The following ASIC2 variants were observed in gnomAD, a reference collection of about 807,000 sequenced individuals.
ASIC2 encodes the protein acid-sensing ion channel 2.
In ASIC2, 25 loss-of-function variants were observed where a neutral mutation model predicts 57.3. The observed-to-expected ratio is 0.44, with a 90% CI of 0.32 to 0.61. The LOEUF (loss-of-function observed/expected upper bound fraction) is 0.61, where lower values mean the gene tolerates loss of function less well. Ranked by LOEUF, ASIC2 falls within the 20% of genes least tolerant of loss-of-function variation. ASIC2 has a pLI of 0.06. For missense variants in ASIC2, 641 were observed against 738.1 expected (o/e 0.87, Z 1.52); for synonymous variants, 319 against 307.5 (o/e 1.04, Z -0.39).
At chr17:33,742,593 A>T (rs1378524916) in intron 1 of ASIC2, among the ~76,000 whole-genome samples, 1 of 152,192 alleles carries the variant, frequency 6.6e-6, no homozygotes, top group Non-Finnish European at 1.5e-5. Flanking sequence ...AGACAAATGA[A>T]TGGATAAATT....
intron 3 of ASIC2, among the ~76,000 whole-genome samples, chr17:33,047,048 C>G (rs1009925775): frequency 6.6e-6 from 1 of 152,208 alleles, no homozygotes; most frequent in Admixed American, 6.5e-5. Context: ...GAGATGGCCT[C>G]GCAGGAAGCT....
At chr17:33,085,056 C>T (rs1376461144) in intron 3 of ASIC2, among the ~76,000 whole-genome samples, 1 of 152,186 alleles carries the variant, frequency 6.6e-6, no homozygotes, top group African/African-American at 2.4e-5. Flanking sequence ...TACAAAGATT[C>T]ATGGTAGGAC....
rs34895503 is a variant in ASIC2, at chr17:33,905,283, C to T, written c.555+250695G>A. 5.8e-3 allele frequency among the ~76,000 whole-genome samples: 880 copies of T among 151,938 alleles called. 7 individuals are homozygous for T. Among genetic ancestry groups the T allele is most frequent in the African/African-American group, 0.02 (839 of 41,420 alleles). On this transcript the variant is annotated intron_variant, in intron 1 of 9. Coordinates refer to the ASIC2 transcript ENST00000359872. The stretch of plus-strand genomic sequence containing the variant: ...TCATACCAGCATGGCTCTAAAGCTC[C>T]TGCTTTTCTGACTGCACTACTGACC...
chr17:33,596,270 T>C (rs1904976585), intron 1 of ASIC2, among the ~76,000 whole-genome samples: 1 of 152,216 alleles, frequency 6.6e-6, no homozygotes, highest in African/African-American at 2.4e-5. Context: ...CTTTGTGACA[T>C]GCTTTATTTT....
At chr17:33,248,424 T>C (rs1232869292) in intron 1 of ASIC2, among the ~76,000 whole-genome samples, 1 of 152,252 alleles carries the variant, frequency 6.6e-6, no homozygotes, top group African/African-American at 2.4e-5. Context: ...AAATGATTAA[T>C]GTGATCTTAT....
At chr17:33,167,499 C>A (rs968501257) in intron 1 of ASIC2, among the ~76,000 whole-genome samples, 9 of 152,198 alleles carry the variant, frequency 5.9e-5, no homozygotes, top group African/African-American at 2.2e-4. Flanking sequence ...CTACCCCCCA[C>A]CCGGTTCCCT....
At chr17:33,222,257 T>C (rs890377359) in intron 1 of ASIC2, among the ~76,000 whole-genome samples, 7 of 152,124 alleles carry the variant, frequency 4.6e-5, no homozygotes, top group Admixed American at 4.6e-4. Flanking sequence ...CAATGAAAAA[T>C]GAAGTACTGA....
chr17:33,422,934 A>G (rs1911096409), intron 1 of ASIC2, among the ~76,000 whole-genome samples: 1 of 152,178 alleles, frequency 6.6e-6, no homozygotes, highest in Admixed American at 6.5e-5. Flanking sequence ...AGCAACCAAG[A>G]GAGTCACAGG....
chr17:33,310,473 G>A (rs535884694), intron 1 of ASIC2, among the ~76,000 whole-genome samples: 57 of 152,298 alleles, frequency 3.7e-4, no homozygotes, highest in African/African-American at 1.3e-3. Flanking sequence ...TGAGTGCCAA[G>A]ATTGCCTCCT....
At chr17:33,648,749 A>C (rs1031909126) in intron 1 of ASIC2, among the ~76,000 whole-genome samples, 3 of 152,370 alleles carry the variant, frequency 2.0e-5, no homozygotes, top group Admixed American at 2.0e-4. Context: ...TGATTCATCC[A>C]CATAACTGTG....
intron 1 of ASIC2, among the ~76,000 whole-genome samples, chr17:33,266,236 A>T (rs1909454248): frequency 6.6e-6 from 1 of 152,144 alleles, no homozygotes; most frequent in South Asian, 2.1e-4. Flanking sequence ...ATGTGTTTTT[A>T]TCCTCCCCCC....
chr17:33,764,111 G>A (rs1392153465), intron 1 of ASIC2, among the ~76,000 whole-genome samples: 1 of 152,114 alleles, frequency 6.6e-6, no homozygotes, highest in African/African-American at 2.4e-5. Context: ...GGCCAACATG[G>A]TGAAACCCTG....
At chr17:33,222,540 T>G (rs1169421384) in intron 1 of ASIC2, among the ~76,000 whole-genome samples, 1 of 152,200 alleles carries the variant, frequency 6.6e-6, no homozygotes, top group African/African-American at 2.4e-5. Flanking sequence ...ATTGCACACT[T>G]TAAATGGGTG....
At chr17:33,629,829 G>A (rs528845792) in intron 1 of ASIC2, among the ~76,000 whole-genome samples, 13 of 152,276 alleles carry the variant, frequency 8.5e-5, no homozygotes, top group Admixed American at 2.6e-4. Flanking sequence ...GGAGAGAAGC[G>A]GTGACCCTGT....
rs76059671 is a variant in ASIC2 at position 33,669,211 on chromosome 17, G to T, written c.555+486767C>A. 3.3e-4 allele frequency among the ~76,000 whole-genome samples: 50 copies of T among 152,284 alleles called. 1 individual carries two copies. In the East Asian group the frequency reaches 3.5e-3, roughly 11 times the overall value. On this transcript the variant is annotated intron_variant, in intron 1 of 9. Coordinates refer to the ASIC2 transcript ENST00000359872. ...GAAAGCTCAAAATTCCTGCCTCAAG[G>T]TTCAGCCATTCTAGAAATCTACCCC...
chr17:33,055,586 A>C (rs2091994825), intron 3 of ASIC2, among the ~76,000 whole-genome samples: 1 of 152,158 alleles, frequency 6.6e-6, no homozygotes, highest in Non-Finnish European at 1.5e-5. Flanking sequence ...ATCATAGCTC[A>C]CTGTAAGCTC....
chr17:33,668,497 C>T (rs1907553111), intron 1 of ASIC2, among the ~76,000 whole-genome samples: 1 of 152,034 alleles, frequency 6.6e-6, no homozygotes, highest in Non-Finnish European at 1.5e-5. Context: ...GCTGCCATCT[C>T]TCTGGTTTTC....
intron 1 of ASIC2, among the ~76,000 whole-genome samples, chr17:33,876,089 C>T (rs991483720): frequency 6.6e-5 from 10 of 152,170 alleles, no homozygotes; most frequent in South Asian, 2.1e-4. Context: ...ATTCAAAGGA[C>T]TTTGGTTCAA....
chr17:33,470,160 T>C (rs1366601220), intron 1 of ASIC2, among the ~76,000 whole-genome samples: 1 of 152,176 alleles, frequency 6.6e-6, no homozygotes, highest in East Asian at 1.9e-4. Flanking sequence ...CTAGGCCATG[T>C]AGGAGAGTTG....
Sources: allele counts gnomAD v4.1 joint callset (sites outside exome capture counted in the v4.1 genomes callset), GRCh38; gene constraint gnomAD v4.1.1; transcripts MANE v1.5; gene names NCBI Gene and HGNC (gene_info 2026-07-23, HGNC 2026-07-21).